RFC3: variants seen among roughly 807,000 people sequenced by gnomAD.
The protein encoded by RFC3 is replication factor C subunit 3, also known as A1 38 kDa subunit.
In RFC3, 41 loss-of-function variants were observed where a neutral mutation model predicts 45.1. The ratio of observed to expected loss-of-function variants is 0.91; its 90% CI spans 0.71 to 1.18. The LOEUF (loss-of-function observed/expected upper bound fraction) is 1.18, where lower values mean the gene tolerates loss of function less well. RFC3 is among the 50% of genes most tolerant of loss of function. The pLI is 0.00. For missense variants in RFC3, 423 were observed against 428.1 expected (o/e 0.99, Z 0.10); for synonymous variants, 149 against 144.0 (o/e 1.03, Z -0.25).
At chr13:33,960,404 C>T (rs1204620375) in intron 8 of RFC3, among the ~76,000 whole-genome samples, 1 of 152,158 alleles carries the variant, frequency 6.6e-6, no homozygotes, top group African/African-American at 2.4e-5. Flanking sequence ...TCTAGCTTCT[C>T]CGCAGAAACT....
At chr13:33,908,727 T>G (rs1432661031) in intron 8 of RFC3, among the ~76,000 whole-genome samples, 1 of 151,932 alleles carries the variant, frequency 6.6e-6, no homozygotes, top group Non-Finnish European at 1.5e-5. Flanking sequence ...AAGCTGGATA[T>G]TCAGAAGTGA....
intron 8 of RFC3, among the ~76,000 whole-genome samples, chr13:33,852,274 C>T (rs999235714): frequency 6.6e-6 from 1 of 152,146 alleles, no homozygotes; most frequent in East Asian, 1.9e-4. Flanking sequence ...ATTTAATTCT[C>T]ATCTTTGAGA....
chr13:33,897,963 A>C (rs530814004), intron 8 of RFC3, among the ~76,000 whole-genome samples: 15 of 151,966 alleles, frequency 9.9e-5, no homozygotes, highest in Non-Finnish European at 1.8e-4. Flanking sequence ...GTACCCCATA[A>C]ATATACATAC....
the RFC3 span, among the ~76,000 whole-genome samples, chr13:33,976,343 C>T: frequency 2.0e-5 from 3 of 152,088 alleles, no homozygotes; most frequent in African/African-American, 2.4e-5. Context: ...AAATATGGCA[C>T]GTTCTCATTC....
At chr13:33,963,766 G>A (rs1278605566) in intron 8 of RFC3, among the ~76,000 whole-genome samples, 2 of 152,164 alleles carry the variant, frequency 1.3e-5, no homozygotes, top group Non-Finnish European at 2.9e-5. Flanking sequence ...GAAAGTGAAC[G>A]TGTTATCACG....
chr13:33,911,912 A>G (rs953045320), intron 8 of RFC3, among the ~76,000 whole-genome samples: 1 of 152,230 alleles, frequency 6.6e-6, no homozygotes, highest in East Asian at 1.9e-4. Flanking sequence ...TATCCAAACT[A>G]TAGCAAAGAC....
chr13:33,839,347 TA>T (rs1442563751), downstream of RFC3, among the ~76,000 whole-genome samples: 1 of 152,184 alleles, frequency 6.6e-6, no homozygotes, highest in Non-Finnish European at 1.5e-5. Flanking sequence ...CTGCCATTTT[TA>T]TCCAGCAAAG....
chr13:33,967,505 T>TTTTA (rs2083093779), downstream of RFC3, among the ~76,000 whole-genome samples: 1 of 150,178 alleles, frequency 6.7e-6, no homozygotes, highest in Non-Finnish European at 1.5e-5. Context: ...TTTTTTTTTT[T>TTTTA]GAGATGGAGT....
chr13:33,871,874 G>A (rs561832435), intron 8 of RFC3, among the ~76,000 whole-genome samples: 1 of 152,210 alleles, frequency 6.6e-6, no homozygotes, highest in Non-Finnish European at 1.5e-5. Context: ...ATTAGTAAAA[G>A]CAAAACATTT....
intron 8 of RFC3, among the ~76,000 whole-genome samples, chr13:33,913,544 C>T (rs2082715237): frequency 6.6e-6 from 1 of 152,122 alleles, no homozygotes; most frequent in Non-Finnish European, 1.5e-5. Context: ...TTTAAACTCC[C>T]ATTTCTGTCC....
chr13:33,883,913 G>A (rs770231622), intron 8 of RFC3, among the ~76,000 whole-genome samples: 2 of 151,802 alleles, frequency 1.3e-5, no homozygotes, highest in Non-Finnish European at 1.5e-5. Flanking sequence ...TAACAAACCC[G>A]CACTTGTACC....
intron 8 of RFC3, among the ~76,000 whole-genome samples, chr13:33,936,331 T>C (rs2082886122): frequency 6.6e-6 from 1 of 152,224 alleles, no homozygotes; most frequent in East Asian, 1.9e-4. Flanking sequence ...GGTGGATTTG[T>C]ATGGAGTAAT....
At chr13:33,941,855 A>G (rs954740990) in intron 8 of RFC3, among the ~76,000 whole-genome samples, 1 of 152,134 alleles carries the variant, frequency 6.6e-6, no homozygotes. Context: ...TGTGTTATCA[A>G]TTGAGGACAC....
At chr13:33,890,225 T>C (rs2082555090) in intron 8 of RFC3, among the ~76,000 whole-genome samples, 1 of 152,168 alleles carries the variant, frequency 6.6e-6, no homozygotes, top group Admixed American at 6.5e-5. Flanking sequence ...GTCACCTCAA[T>C]AGAACTATTG....
intron 7 of RFC3, among the ~76,000 whole-genome samples, chr13:33,834,329 T>TATATATATATATATATATATATACATAC (rs1300798923): frequency 1.6e-5 from 2 of 125,106 alleles, no homozygotes; most frequent in African/African-American, 6.8e-5. Flanking sequence ...TATATATATA[T>TATATATATATATATATATATATACATAC]ATCTGTACTG....
At chr13:33,821,809 C>G (rs1304173953) in intron 2 of RFC3, among the ~76,000 whole-genome samples, 1 of 152,200 alleles carries the variant, frequency 6.6e-6, no homozygotes, top group Non-Finnish European at 1.5e-5. Flanking sequence ...TGTTTAAGAT[C>G]TAGCTGAAAT....
chr13:33,826,294 G>T (rs930522540), intron 4 of RFC3, among the ~76,000 whole-genome samples: 1 of 152,046 alleles, frequency 6.6e-6, no homozygotes, highest in Non-Finnish European at 1.5e-5. Context: ...GAGATTTTGT[G>T]ATAATAAATA....
At position 33,936,123 on chromosome 13, in the gene RFC3, C is replaced by T. The variant is rs1593704112; in HGVS notation, c.880-29964C>T. Among the ~76,000 whole-genome samples, 3 of 152,076 alleles carry T rather than the reference C, an allele frequency of 2.0e-5. No individual in the cohort carries two copies. The South Asian group carries it at 6.2e-4, about 32-fold the overall frequency. ...GAAGGAGGCAGGAAGAAGCAGAAAGCCTTGGTCTTATGCATACTGCCCCCA... is the reference window on the plus strand; with the variant it reads ...GAAGGAGGCAGGAAGAAGCAGAAAGTCTTGGTCTTATGCATACTGCCCCCA... On this transcript the variant is annotated intron_variant, in intron 8 of 8. Coordinates refer to the RFC3 transcript ENST00000434425.
chr13:33,933,516 T>C (rs1039054823), intron 8 of RFC3, among the ~76,000 whole-genome samples: 3 of 152,300 alleles, frequency 2.0e-5, no homozygotes, highest in Middle Eastern at 3.4e-3. Context: ...TAGGTGAATA[T>C]AATTGTTACC....
Sources: allele counts gnomAD v4.1 joint callset (sites outside exome capture counted in the v4.1 genomes callset), GRCh38; gene constraint gnomAD v4.1.1; transcripts MANE v1.5; gene names NCBI Gene and HGNC (gene_info 2026-07-23, HGNC 2026-07-21).